The following SHISA9 variants were observed in gnomAD, a reference collection of about 807,000 sequenced individuals.
The protein encoded by SHISA9 is shisa family member 9, also known as protein shisa-9.
SHISA9 carries 13 observed loss-of-function variants against 38.0 expected under a neutral mutation model. The observed-to-expected ratio is 0.34, with a 90% confidence interval of 0.22 to 0.54. SHISA9 has a LOEUF of 0.54. Among genes scored for constraint, SHISA9 ranks in the 20% least tolerant of loss-of-function variants. SHISA9 has a pLI of 0.91. For missense variants in SHISA9, 538 were observed against 575.8 expected, an observed-to-expected ratio of 0.93 and a Z score of 0.67; for synonymous variants, 275 against 242.0, an observed-to-expected ratio of 1.14 and a Z score of -1.27.
At chr16:13,343,914 G>A in the SHISA9 span, among the ~76,000 whole-genome samples, 4 of 152,116 alleles carry the variant, frequency 2.6e-5, no homozygotes, top group East Asian at 1.9e-4. Flanking sequence ...AGAAAAACAC[G>A]GTGGATTAAC....
intron 2 of SHISA9, among the ~76,000 whole-genome samples, chr16:13,170,171 C>G (rs1280135869): frequency 6.8e-6 from 1 of 146,830 alleles, no homozygotes; most frequent in Non-Finnish European, 1.5e-5. Flanking sequence ...CCATTGCACT[C>G]CAGCCTGGGC....
At chr16:13,480,186 C>T in the SHISA9 span, among the ~76,000 whole-genome samples, 5 of 152,054 alleles carry the variant, frequency 3.3e-5, no homozygotes, top group South Asian at 2.1e-4. Flanking sequence ...TGTTTTGAGC[C>T]TCAATTCTAA....
the SHISA9 span, among the ~76,000 whole-genome samples, chr16:13,364,084 A>G: frequency 6.6e-6 from 1 of 152,226 alleles, no homozygotes; most frequent in African/African-American, 2.4e-5. Context: ...CAAAAAAGCC[A>G]CAGATGTTTC....
At chr16:13,382,687 T>A in the SHISA9 span, among the ~76,000 whole-genome samples, 1 of 151,836 alleles carries the variant, frequency 6.6e-6, no homozygotes, top group Non-Finnish European at 1.5e-5. Flanking sequence ...GGTGAAACCC[T>A]GTCTGTATCA....
chr16:13,494,670 A>C, the SHISA9 span, among the ~76,000 whole-genome samples: 1 of 152,218 alleles, frequency 6.6e-6, no homozygotes, highest in African/African-American at 2.4e-5. Context: ...ATACATCCAT[A>C]TGGCAGAATA....
At chr16:12,918,088 T>G (rs1242699979) in intron 2 of SHISA9, among the ~76,000 whole-genome samples, 1 of 152,162 alleles carries the variant, frequency 6.6e-6, no homozygotes, top group East Asian at 1.9e-4. Context: ...ATTAAATAAT[T>G]TAACATTATT....
chr16:13,112,745 C>T (rs1199826100), intron 2 of SHISA9, among the ~76,000 whole-genome samples: 1 of 152,040 alleles, frequency 6.6e-6, no homozygotes, highest in African/African-American at 2.4e-5. Flanking sequence ...AGGTGCTTGG[C>T]ATTGCCTTTC....
the SHISA9 span, among the ~76,000 whole-genome samples, chr16:13,528,983 T>C: frequency 1.3e-5 from 2 of 152,124 alleles, no homozygotes; most frequent in African/African-American, 4.8e-5. Flanking sequence ...GTAAATAAAA[T>C]ATAAAATCCT....
chr16:13,365,624 T>A, the SHISA9 span, among the ~76,000 whole-genome samples: 2 of 151,886 alleles, frequency 1.3e-5, no homozygotes, highest in East Asian at 3.9e-4. Context: ...GCCTGGCTAA[T>A]TTTTTTATAT....
At chr16:13,039,233 T>C (rs547031646) in intron 2 of SHISA9, among the ~76,000 whole-genome samples, 1 of 152,314 alleles carries the variant, frequency 6.6e-6, no homozygotes, top group Admixed American at 6.5e-5. Context: ...TTAATCATAA[T>C]GTTAAATATT....
At chr16:13,316,127 C>A in the SHISA9 span, among the ~76,000 whole-genome samples, 18 of 152,096 alleles carry the variant, frequency 1.2e-4, no homozygotes, top group African/African-American at 4.3e-4. Context: ...GGGCATGGAG[C>A]GATGACTCAA....
chr16:13,152,084 G>A (rs925328215), intron 2 of SHISA9, among the ~76,000 whole-genome samples: 13 of 152,208 alleles, frequency 8.5e-5, no homozygotes, highest in Middle Eastern at 3.4e-3. Context: ...ACCTTATTTC[G>A]TGCATATTAT....
chr16:13,270,680 A>C, the SHISA9 span, among the ~76,000 whole-genome samples: 1 of 152,318 alleles, frequency 6.6e-6, no homozygotes, highest in African/African-American at 2.4e-5. Context: ...ACCTAGCTGA[A>C]GATCAATATC....
intron 2 of SHISA9, among the ~76,000 whole-genome samples, chr16:13,103,365 A>G (rs1311897859): frequency 6.6e-6 from 1 of 152,200 alleles, no homozygotes; most frequent in Admixed American, 6.5e-5. Flanking sequence ...TTAGTTATAC[A>G]TAGAGGGAAA....
chr16:13,019,849 TC>T (rs1258860529), intron 2 of SHISA9, among the ~76,000 whole-genome samples: 1 of 16,614 alleles, frequency 6.0e-5, no homozygotes, highest in Non-Finnish European at 1.1e-4. Context: ...CTTCCTTCCC[TC>T]CCTCCCTCCC....
chr16:13,196,087 CAAAAAAAAAAAAA>C (rs1172680715), intron 2 of SHISA9, among the ~76,000 whole-genome samples: 1 of 14,120 alleles, frequency 7.1e-5, no homozygotes, highest in Admixed American at 1.5e-3. Context: ...GACTCTCTCT[CAAAAAAAAAAAAA>C]AAAAAAAAAA....
chr16:13,136,111 GTC>G (rs1243486271), intron 2 of SHISA9, among the ~76,000 whole-genome samples: 14 of 152,130 alleles, frequency 9.2e-5, no homozygotes, highest in African/African-American at 3.4e-4. Flanking sequence ...CTCTCTTGAT[GTC>G]TCTGTTTATT....
In SHISA9 at chr16:13,187,328, CTTTTTTTTT is replaced by C. The variant is rs372286181; in HGVS notation, c.692-16050_692-16042del. Among the ~76,000 whole-genome samples, 248 of 90,730 alleles carry C rather than the reference CTTTTTTTTT, an allele frequency of 2.7e-3. 1 individual carries two copies. Among genetic ancestry groups the C allele is most frequent in the African/African-American group, 8.8e-3 (228 of 26,026 alleles). 59.5% of individuals were successfully genotyped at this position (90,730 alleles called of 152,430 possible). On this transcript the variant is annotated intron_variant, in intron 2 of 4. Coordinates refer to ENST00000558583, the MANE Select transcript of SHISA9 (RefSeq NM_001145204.3). ...GAGAAGGCTTCTTTTCTTTTCTTTT[CTTTTTTTTT>C]TTTTTTTTTTTTTTTGAGGCAGAGT...
At chr16:13,053,781 C>T (rs1231127332) in intron 2 of SHISA9, among the ~76,000 whole-genome samples, 1 of 152,216 alleles carries the variant, frequency 6.6e-6, no homozygotes, top group African/African-American at 2.4e-5. Context: ...GTCCAGGTCT[C>T]AGGTCCAGTG....
Sources: allele counts gnomAD v4.1 joint callset (sites outside exome capture counted in the v4.1 genomes callset), GRCh38; gene constraint gnomAD v4.1.1; transcripts MANE v1.5; gene names NCBI Gene and HGNC (gene_info 2026-07-23, HGNC 2026-07-21).